The following SDK1 variants were observed in gnomAD, a reference collection of about 807,000 sequenced individuals.
The protein encoded by SDK1 is protein sidekick-1.
In SDK1, 157 loss-of-function variants were observed where a neutral mutation model predicts 245.5. The ratio of observed to expected loss-of-function variants is 0.64; its 90% confidence interval spans 0.56 to 0.73. The LOEUF (loss-of-function observed/expected upper bound fraction) is 0.73, where lower values mean the gene tolerates loss of function less well. Ranked by LOEUF, SDK1 falls within the 30% of genes least tolerant of loss-of-function variation. SDK1 has a pLI of 0.00. For synonymous variants in SDK1, 1,647 were observed against 1,278.5 expected (o/e 1.29, Z -6.15); for missense variants, 3,583 against 3,002.3 (o/e 1.19, Z -4.52).
At chr7:3,980,362 T>C (rs1360767705) in intron 13 of SDK1, among the ~76,000 whole-genome samples, 1 of 152,222 alleles carries the variant, frequency 6.6e-6, no homozygotes, top group Non-Finnish European at 1.5e-5. Context: ...GTTTTCCCCC[T>C]ATTCTCTTTC....
intron 4 of SDK1, among the ~76,000 whole-genome samples, chr7:3,649,445 C>T (rs181115007): frequency 1.2e-4 from 18 of 152,036 alleles, no homozygotes; most frequent in African/African-American, 4.1e-4. Flanking sequence ...TGCCCTCCTG[C>T]TTGTCTAATT....
chr7:3,518,142 C>T (rs146550999), intron 1 of SDK1, among the ~76,000 whole-genome samples: 118 of 151,966 alleles, frequency 7.8e-4, no homozygotes, highest in African/African-American at 2.8e-3. Context: ...TATAGCATAC[C>T]CAGTTTGAGT....
chr7:4,207,800 C>G (rs1473648530), intron 36 of SDK1, among the ~76,000 whole-genome samples: 1 of 152,114 alleles, frequency 6.6e-6, no homozygotes, highest in African/African-American at 2.4e-5. Flanking sequence ...CCCTTCCGTC[C>G]TCACAACTTA....
intron 1 of SDK1, among the ~76,000 whole-genome samples, chr7:3,532,898 G>C (rs1312788675): frequency 6.6e-6 from 1 of 151,968 alleles, no homozygotes; most frequent in East Asian, 1.9e-4. Context: ...TCTCCTCCCT[G>C]CCTCTGGACT....
chr7:3,508,921 T>C (rs1261796222), intron 1 of SDK1, among the ~76,000 whole-genome samples: 1 of 152,204 alleles, frequency 6.6e-6, no homozygotes, highest in Non-Finnish European at 1.5e-5. Context: ...GTGCAGGATT[T>C]AGTTTGTTTT....
intron 1 of SDK1, among the ~76,000 whole-genome samples, chr7:3,614,249 A>G (rs975354456): frequency 6.6e-6 from 1 of 152,190 alleles, no homozygotes; most frequent in Admixed American, 6.5e-5. Flanking sequence ...TTTATGTTCT[A>G]TTTTAAGAAT....
intron 22 of SDK1, among the ~76,000 whole-genome samples, chr7:4,095,691 G>A (rs1018025016): frequency 1.3e-5 from 2 of 152,164 alleles, no homozygotes; most frequent in African/African-American, 4.8e-5. Context: ...TGCTGCCTCA[G>A]CCTCCCAAGT....
chr7:3,311,725 A>T (rs1014969032), intron 1 of SDK1, among the ~76,000 whole-genome samples: 17 of 152,190 alleles, frequency 1.1e-4, no homozygotes, highest in African/African-American at 4.1e-4. Context: ...GACTCCCTTC[A>T]CCACCCTGCT....
At chr7:3,593,720 G>A (rs1243553685) in intron 1 of SDK1, among the ~76,000 whole-genome samples, 1 of 151,968 alleles carries the variant, frequency 6.6e-6, no homozygotes, top group African/African-American at 2.4e-5. Context: ...GGCCACTGGC[G>A]ACACCCCCAA....
chr7:3,656,044 G>A (rs1428292666), intron 4 of SDK1, among the ~76,000 whole-genome samples: 1 of 152,176 alleles, frequency 6.6e-6, no homozygotes. Flanking sequence ...TCTGCTCACG[G>A]TGTTCTCCAA....
At chr7:3,484,875 A>C (rs906978880) in intron 1 of SDK1, among the ~76,000 whole-genome samples, 6 of 152,180 alleles carry the variant, frequency 3.9e-5, no homozygotes, top group Non-Finnish European at 8.8e-5. Context: ...GTGGAAGCAT[A>C]ACATATTTTG....
At position 3,846,391 on chromosome 7, in the gene SDK1, G is replaced by A. The variant is rs78142385; in HGVS notation, c.847+24808G>A. 2.0e-5 allele frequency among the ~76,000 whole-genome samples: 3 copies of A among 152,282 alleles called. No individual in the cohort carries two copies. The East Asian group carries it at 5.8e-4, about 29-fold the overall frequency. ...CCAGCCTTTGATTTTAAAAGGAGAA[G>A]GACATTTGTTTAAGGAATTTGATTA... On this transcript the variant is annotated intron_variant, in intron 5 of 44. Coordinates refer to ENST00000404826, the MANE Select transcript of SDK1 (RefSeq NM_152744.4).
intron 1 of SDK1, among the ~76,000 whole-genome samples, chr7:3,551,182 G>A (rs370759397): frequency 3.3e-5 from 5 of 152,082 alleles, no homozygotes; most frequent in East Asian, 1.9e-4. Context: ...GGCCAACACC[G>A]GGGGTGGGGG....
intron 13 of SDK1, chr7:3,974,746 C>T (rs189633933): frequency 1.3e-4 from 68 of 532,882 alleles, no homozygotes; most frequent in Non-Finnish European, 8.9e-5. Context: ...TGAGAAGTTT[C>T]GTTTTTGGTG....
chr7:4,077,318 A>G, intron 21 of SDK1, 129 bp downstream of exon 21: 2 of 842,442 alleles, frequency 2.4e-6, no homozygotes. Context: ...CCTCCTGCCA[A>G]GATGCTGGAG....
chr7:3,678,093 C>T (rs1783966513), intron 4 of SDK1, among the ~76,000 whole-genome samples: 1 of 152,210 alleles, frequency 6.6e-6, no homozygotes, highest in Non-Finnish European at 1.5e-5. Flanking sequence ...CACAACTTCA[C>T]ACCCCTTGTA....
chr7:4,109,205 G>T (rs7805076), intron 22 of SDK1, among the ~76,000 whole-genome samples: 2,772 of 152,280 alleles, frequency 0.018, 60 homozygotes, highest in South Asian at 0.081. Flanking sequence ...GCTGGCTTAT[G>T]CGGTGACTGT....
At chr7:3,644,087 G>T (rs749547880) in intron 4 of SDK1, among the ~76,000 whole-genome samples, 6 of 150,780 alleles carry the variant, frequency 4.0e-5, no homozygotes, top group African/African-American at 9.7e-5. Context: ...GTTTTTAGCA[G>T]AGGTGAGGTT....
Position 4,026,460 on chromosome 7 carries a change from G to A in SDK1, c.2602+9108G>A, listed in dbSNP as rs1441947425. 3.9e-5 allele frequency among the ~76,000 whole-genome samples: 6 copies of A among 152,166 alleles called. No individual in the cohort carries two copies. Among genetic ancestry groups the A allele is most frequent in the Non-Finnish European group, 5.9e-5 (4 of 68,036 alleles). ...TTCAGAGTCAGACGACTGGCTTCACGAGGGCCCGGTGTGCAGACAGCCTGC... is the reference window on the plus strand; with the variant it reads ...TTCAGAGTCAGACGACTGGCTTCACAAGGGCCCGGTGTGCAGACAGCCTGC... On this transcript the variant is annotated intron_variant, in intron 17 of 44. Coordinates refer to ENST00000404826, the MANE Select transcript of SDK1 (RefSeq NM_152744.4). This position sits in a 1 kb window ranked among gnomAD's most constrained non-coding sequence, Gnocchi z 4.1.
Sources: allele counts gnomAD v4.1 joint callset (sites outside exome capture counted in the v4.1 genomes callset), GRCh38; gene constraint gnomAD v4.1.1; non-coding constraint Gnocchi (gnomAD v3.1); transcripts MANE v1.5; gene names NCBI Gene and HGNC (gene_info 2026-07-23, HGNC 2026-07-21).